Variants in CNTN5 observed in about 807,000 individuals in gnomAD.
CNTN5 encodes contactin 5.
In CNTN5, 77 loss-of-function variants were observed where a neutral mutation model predicts 129.1. That is an observed-to-expected ratio of 0.60 (90% CI 0.50 to 0.72). The LOEUF is 0.72. Ranked by LOEUF, CNTN5 falls within the 30% of genes least tolerant of loss-of-function variation. The pLI is 0.00. For missense variants in CNTN5, 1,478 were observed against 1,328.8 expected (o/e 1.11, Z -1.75); for synonymous variants, 509 against 465.6 (o/e 1.09, Z -1.20).
At chr11:99,362,433 T>C (rs1360039554) in intron 2 of CNTN5, among the ~76,000 whole-genome samples, 1 of 151,978 alleles carries the variant, frequency 6.6e-6, no homozygotes, top group Non-Finnish European at 1.5e-5. Context: ...CTCTGGGTTG[T>C]TTTTCACTTT....
intron 8 of CNTN5, among the ~76,000 whole-genome samples, chr11:99,971,957 A>AG (rs1349641759): frequency 6.6e-6 from 1 of 151,158 alleles, no homozygotes; most frequent in Non-Finnish European, 1.5e-5. Context: ...AGAAAAAAAA[A>AG]CAAAAAAAAC....
chr11:99,476,921 G>A (rs1236799494), intron 2 of CNTN5, among the ~76,000 whole-genome samples: 1 of 151,834 alleles, frequency 6.6e-6, no homozygotes, highest in South Asian at 2.1e-4. Context: ...CGTTTCCTAA[G>A]TGAGATACAT....
At chr11:99,762,693 C>T (rs1944622337) in intron 3 of CNTN5, among the ~76,000 whole-genome samples, 3 of 151,920 alleles carry the variant, frequency 2.0e-5, no homozygotes, top group African/African-American at 7.3e-5. Context: ...TTGAAGGATT[C>T]TGTATAAGTT....
chr11:99,510,575 C>T (rs1029929807), intron 2 of CNTN5, among the ~76,000 whole-genome samples: 1 of 152,068 alleles, frequency 6.6e-6, no homozygotes, highest in South Asian at 2.1e-4. Context: ...CAGTCATGTA[C>T]CCCATAACAA....
chr11:100,092,683 A>C lies in CNTN5; in HGVS notation c.1580+18389A>C, dbSNP rs146933594. On this transcript the variant is annotated intron_variant, in intron 13 of 24. Coordinates refer to ENST00000524871, the MANE Select transcript of CNTN5 (RefSeq NM_014361.4). ...CATTAAAGCTGTTATATCTGTATAA[A>C]TCATGTGTGGAATAGGACTGTGCTC... 6.1e-3 allele frequency among the ~76,000 whole-genome samples: 925 copies of C among 152,238 alleles called. 12 individuals carry two copies. The highest frequency in any genetic ancestry group is 0.021 in the African/African-American group (892 of 41,546).
At chr11:99,706,561 T>G (rs1954763998) in intron 3 of CNTN5, among the ~76,000 whole-genome samples, 1 of 151,446 alleles carries the variant, frequency 6.6e-6, no homozygotes, top group African/African-American at 2.4e-5. Context: ...TAAGACCAAT[T>G]CCCTCTCATT....
intron 16 of CNTN5, among the ~76,000 whole-genome samples, chr11:100,242,799 T>C (rs562903933): frequency 1.3e-5 from 2 of 152,292 alleles, no homozygotes; most frequent in South Asian, 2.1e-4. Flanking sequence ...TACAAATGAA[T>C]GAATATGTAA....
intron 13 of CNTN5, among the ~76,000 whole-genome samples, chr11:100,079,977 T>C (rs1344106378): frequency 6.6e-6 from 1 of 152,164 alleles, no homozygotes; most frequent in Non-Finnish European, 1.5e-5. Flanking sequence ...CATTATTACA[T>C]GTTCAATTTC....
chr11:99,194,642 G>C (rs928995776), intron 1 of CNTN5, among the ~76,000 whole-genome samples: 1 of 152,068 alleles, frequency 6.6e-6, no homozygotes, highest in Non-Finnish European at 1.5e-5. Flanking sequence ...GTCTTGCTCT[G>C]TTGCCCAGGC....
chr11:99,053,580 T>A (rs1300138473), intron 1 of CNTN5, among the ~76,000 whole-genome samples: 1 of 151,964 alleles, frequency 6.6e-6, no homozygotes, highest in East Asian at 1.9e-4. Context: ...TTCTCTTTGT[T>A]GTCTTTGATT....
chr11:100,303,936 T>C (rs1951288514), intron 20 of CNTN5, among the ~76,000 whole-genome samples: 1 of 151,672 alleles, frequency 6.6e-6, no homozygotes, highest in African/African-American at 2.4e-5. Flanking sequence ...TTTTAAATAA[T>C]GAAACCATAC....
At chr11:100,283,717 G>C (rs925891763) in intron 18 of CNTN5, among the ~76,000 whole-genome samples, 2 of 152,062 alleles carry the variant, frequency 1.3e-5, no homozygotes, top group Admixed American at 6.6e-5. Context: ...AGGCCGAGGT[G>C]GGTGAATAAC....
At chr11:99,968,057 A>G (rs1050841378) in intron 8 of CNTN5, among the ~76,000 whole-genome samples, 1 of 152,192 alleles carries the variant, frequency 6.6e-6, no homozygotes, top group Non-Finnish European at 1.5e-5. Flanking sequence ...AAAGCTGTAC[A>G]CATCTTCGCA....
At chr11:99,222,006 C>T (rs949726769) in intron 1 of CNTN5, among the ~76,000 whole-genome samples, 2 of 151,834 alleles carry the variant, frequency 1.3e-5, no homozygotes, top group Non-Finnish European at 2.9e-5. Flanking sequence ...GATACACATA[C>T]TTTTTTTGTC....
chr11:99,892,297 G>A (rs919128313), intron 6 of CNTN5, among the ~76,000 whole-genome samples: 3 of 152,088 alleles, frequency 2.0e-5, no homozygotes, highest in Non-Finnish European at 4.4e-5. Context: ...TCTAATGACA[G>A]TTTCTTTTGC....
At chr11:99,762,041 T>C (rs1329128556) in intron 3 of CNTN5, among the ~76,000 whole-genome samples, 2 of 112,442 alleles carry the variant, frequency 1.8e-5, no homozygotes, top group Admixed American at 9.5e-5. Context: ...TTTCATGTGT[T>C]TTTTGGCTGC....
At chr11:99,367,061 C>A (rs192497363) in intron 2 of CNTN5, among the ~76,000 whole-genome samples, 1 of 152,208 alleles carries the variant, frequency 6.6e-6, no homozygotes, top group East Asian at 1.9e-4. Flanking sequence ...GGTATTATGC[C>A]TCTAAAGGTT....
intron 2 of CNTN5, among the ~76,000 whole-genome samples, chr11:99,410,361 A>C (rs1942337436): frequency 6.6e-6 from 1 of 152,198 alleles, no homozygotes; most frequent in South Asian, 2.1e-4. Flanking sequence ...AAGGACAAGA[A>C]TTAACTTACA....
At chr11:99,390,300 C>T (rs1265136144) in intron 2 of CNTN5, among the ~76,000 whole-genome samples, 1 of 151,982 alleles carries the variant, frequency 6.6e-6, no homozygotes, top group Non-Finnish European at 1.5e-5. Context: ...TTTTATTTTT[C>T]ATAGAGATGG....
Sources: allele counts gnomAD v4.1 joint callset (sites outside exome capture counted in the v4.1 genomes callset), GRCh38; gene constraint gnomAD v4.1.1; transcripts MANE v1.5; gene names NCBI Gene and HGNC (gene_info 2026-07-23, HGNC 2026-07-21).